The following CSMD1 variants were observed in gnomAD, a reference collection of about 807,000 sequenced individuals.
The protein encoded by CSMD1 is CUB and sushi domain-containing protein 1.
A neutral mutation model predicts 417.5 loss-of-function variants in CSMD1; 213 were observed. The ratio of observed to expected loss-of-function variants is 0.51; its 90% confidence interval spans 0.46 to 0.57. The LOEUF is 0.57. Ranked by LOEUF, CSMD1 falls within the 20% of genes least tolerant of loss-of-function variation. The pLI is 0.00. For synonymous variants in CSMD1, 2,862 were observed against 1,736.8 expected (o/e 1.65, Z -16.11); for missense variants, 6,923 against 4,529.7 (o/e 1.53, Z -15.17).
chr8:4,210,432 C>G (rs901951153), intron 3 of CSMD1, among the ~76,000 whole-genome samples: 3 of 152,260 alleles, frequency 2.0e-5, no homozygotes, highest in Non-Finnish European at 2.9e-5. Flanking sequence ...AAATCTCAGT[C>G]ATTTTAAACA....
intron 3 of CSMD1, among the ~76,000 whole-genome samples, chr8:4,239,794 C>T (rs909486857): frequency 6.6e-6 from 1 of 152,138 alleles, no homozygotes; most frequent in Admixed American, 6.6e-5. Context: ...TCCATTCTCA[C>T]AGAAAAGGTC....
chr8:3,821,937 T>C (rs564922514), intron 5 of CSMD1, among the ~76,000 whole-genome samples: 1 of 151,748 alleles, frequency 6.6e-6, no homozygotes, highest in Non-Finnish European at 1.5e-5. Context: ...CATGGAGAGG[T>C]TTTCCTACAT....
intron 27 of CSMD1, among the ~76,000 whole-genome samples, chr8:3,227,558 A>G (rs987547751): frequency 3.9e-5 from 6 of 152,316 alleles, no homozygotes; most frequent in Admixed American, 2.0e-4. Flanking sequence ...TTATACAATA[A>G]TAAGGGACTA....
chr8:4,398,928 C>T (rs764308081), intron 3 of CSMD1, among the ~76,000 whole-genome samples: 6 of 152,260 alleles, frequency 3.9e-5, no homozygotes, highest in Middle Eastern at 3.4e-3. Flanking sequence ...ATTTAAGATG[C>T]TCCAGAATAT....
intron 2 of CSMD1, among the ~76,000 whole-genome samples, chr8:4,441,354 C>G (rs192418393): frequency 2.3e-4 from 34 of 146,884 alleles, no homozygotes; most frequent in Admixed American, 5.5e-4. Flanking sequence ...CCCAAGCAAT[C>G]CTCCTGTCTG....
intron 7 of CSMD1, among the ~76,000 whole-genome samples, chr8:3,696,007 G>C (rs954323573): frequency 2.6e-5 from 4 of 152,126 alleles, no homozygotes; most frequent in African/African-American, 7.2e-5. Context: ...AATATGACTT[G>C]TGGAAGACCT....
Position 3,953,236 on chromosome 8 carries a change from C to G in CSMD1, c.818+44667G>C, listed in dbSNP as rs117722192. On this transcript the variant is annotated intron_variant, in intron 5 of 69. Coordinates refer to ENST00000635120, the MANE Select transcript of CSMD1 (RefSeq NM_033225.6). ...GGATTAAAATCAAGAAAATATATAA[C>G]TGATATAGGAGTTAAGGAGAAGTTT... Among the ~76,000 whole-genome samples, 761 of 151,996 alleles carry G rather than the reference C, an allele frequency of 5.0e-3. 6 individuals are homozygous for G. Among genetic ancestry groups the G allele is most frequent in the Non-Finnish European group, 6.2e-3 (423 of 67,958 alleles).
At chr8:4,756,606 C>T (rs1348285204) in intron 1 of CSMD1, among the ~76,000 whole-genome samples, 2 of 152,188 alleles carry the variant, frequency 1.3e-5, no homozygotes, top group Non-Finnish European at 2.9e-5. Flanking sequence ...GATGTATCTT[C>T]ACTTTGGCTC....
intron 37 of CSMD1, among the ~76,000 whole-genome samples, chr8:3,166,840 G>A (rs769443205): frequency 1.3e-5 from 2 of 152,204 alleles, no homozygotes; most frequent in Non-Finnish European, 2.9e-5. Context: ...TAATTTTCCA[G>A]AAGCAGAGAT....
At chr8:3,111,215 TA>T (rs1306451295) in intron 42 of CSMD1, among the ~76,000 whole-genome samples, 1 of 152,080 alleles carries the variant, frequency 6.6e-6, no homozygotes, top group Non-Finnish European at 1.5e-5. Context: ...CACAAACAGA[TA>T]AACAAAAAGA....
intron 1 of CSMD1, among the ~76,000 whole-genome samples, chr8:4,913,245 C>T (rs746979010): frequency 2.8e-4 from 42 of 152,192 alleles, no homozygotes; most frequent in Non-Finnish European, 4.9e-4. Flanking sequence ...TCACGCAACA[C>T]AAGTTGTTTC....
intron 4 of CSMD1, 45 bp from the exon 5 acceptor site, chr8:3,998,155 T>C (rs748000507): frequency 4.3e-5 from 65 of 1,508,244 alleles, no homozygotes; most frequent in Non-Finnish European, 5.2e-5. Context: ...TTCAGGATGG[T>C]TTTCATACAC....
At chr8:3,277,463 G>C (rs147815297) in intron 26 of CSMD1, among the ~76,000 whole-genome samples, 8 of 152,266 alleles carry the variant, frequency 5.3e-5, no homozygotes, top group South Asian at 4.1e-4. Context: ...GGGAGAATTG[G>C]ATTTTGGATC....
At position 4,753,766 on chromosome 8, in the gene CSMD1, C is replaced by T. The variant is rs559579242; in HGVS notation, c.86-116208G>A. On this transcript the variant is annotated intron_variant, in intron 1 of 69. Coordinates refer to ENST00000635120, the MANE Select transcript of CSMD1 (RefSeq NM_033225.6). ...TAAACAGTTTACATTCTGATGGGAA[C>T]ATTCCCTTTCCTCCCCACCACTGCC... is the stretch of plus-strand genomic sequence containing the variant. Among the ~76,000 whole-genome samples, 11 of 152,320 alleles carry T rather than the reference C, an allele frequency of 7.2e-5. No homozygotes were observed. In the South Asian group the frequency reaches 1.7e-3, roughly 23 times the overall value.
intron 5 of CSMD1, among the ~76,000 whole-genome samples, chr8:3,907,643 C>G (rs917173195): frequency 6.6e-6 from 1 of 152,124 alleles, no homozygotes; most frequent in African/African-American, 2.4e-5. Context: ...TGAGATGCCA[C>G]CTTTCACTTT....
intron 1 of CSMD1, among the ~76,000 whole-genome samples, chr8:4,930,690 G>A (rs566338369): frequency 5.3e-4 from 80 of 152,252 alleles, no homozygotes; most frequent in Non-Finnish European, 8.5e-4. Context: ...CAATGTTTAG[G>A]TCGTTTATAT....
intron 3 of CSMD1, among the ~76,000 whole-genome samples, chr8:4,122,405 C>T (rs1802535695): frequency 6.6e-6 from 1 of 152,160 alleles, no homozygotes; most frequent in South Asian, 2.1e-4. Flanking sequence ...AACATGATCC[C>T]ATTAAATATG....
intron 5 of CSMD1, among the ~76,000 whole-genome samples, chr8:3,856,286 G>A (rs138051368): frequency 3.3e-5 from 5 of 152,020 alleles, no homozygotes; most frequent in East Asian, 1.9e-4. Flanking sequence ...ACCTGCTTCC[G>A]CTTCATCTTC....
intron 2 of CSMD1, among the ~76,000 whole-genome samples, chr8:4,564,154 C>A (rs939568264): frequency 2.6e-5 from 4 of 152,148 alleles, no homozygotes; most frequent in Admixed American, 6.5e-5. Context: ...ATAAAAGGTT[C>A]AGAAGATAAT....
Sources: gnomAD v4.1 joint callset for allele counts (sites outside exome capture counted in the v4.1 genomes callset) on GRCh38, gnomAD v4.1.1 for gene constraint, MANE v1.5 for transcripts, NCBI Gene and HGNC (gene_info 2026-07-23, HGNC 2026-07-21) for gene names.